Variants in KCNIP1 observed in about 807,000 individuals in gnomAD.
KCNIP1 encodes potassium voltage-gated channel interacting protein 1.
Under a neutral mutation model 33.0 loss-of-function variants are expected in KCNIP1, and 18 were observed. The observed-to-expected ratio is 0.55, with a 90% CI of 0.38 to 0.81. The LOEUF is 0.81. Among genes scored for constraint, KCNIP1 ranks in the 30% least tolerant of loss-of-function variants. The pLI, the probability that KCNIP1 is intolerant of heterozygous loss-of-function variation, is 0.00. For missense variants in KCNIP1, 238 were observed against 271.6 expected (o/e 0.88, Z 0.87); for synonymous variants, 93 against 98.3 (o/e 0.95, Z 0.32).
intron 1 of KCNIP1, among the ~76,000 whole-genome samples, chr5:170,649,181 G>A (rs144303699): frequency 8.0e-4 from 122 of 152,032 alleles, no homozygotes; most frequent in African/African-American, 2.8e-3. Flanking sequence ...ATTGTTGAAC[G>A]CATTTTTTAA....
chr5:170,721,432 C>T (rs570118595), intron 3 of KCNIP1, among the ~76,000 whole-genome samples: 5 of 152,248 alleles, frequency 3.3e-5, no homozygotes, highest in African/African-American at 1.2e-4. Context: ...GTGCTTGATG[C>T]CCACAGTCAC....
intron 1 of KCNIP1, among the ~76,000 whole-genome samples, chr5:170,621,808 C>T (rs1232789562): frequency 6.6e-6 from 1 of 152,216 alleles, no homozygotes; most frequent in Non-Finnish European, 1.5e-5. Flanking sequence ...TGCACCTGGC[C>T]TTATTCCCTT....
intron 1 of KCNIP1, among the ~76,000 whole-genome samples, chr5:170,480,921 A>G (rs1209202897): frequency 6.6e-6 from 1 of 152,218 alleles, no homozygotes. Flanking sequence ...AAGGATAGAG[A>G]AAAGTGCCTA....
At chr5:170,419,282 C>A (rs1404831111) in intron 1 of KCNIP1, among the ~76,000 whole-genome samples, 1 of 152,118 alleles carries the variant, frequency 6.6e-6, no homozygotes, top group Non-Finnish European at 1.5e-5. Flanking sequence ...TGGACCACAG[C>A]AGGACCCCGA....
At chr5:170,493,649 A>T (rs1757253330) in intron 1 of KCNIP1, among the ~76,000 whole-genome samples, 1 of 152,184 alleles carries the variant, frequency 6.6e-6, no homozygotes, top group Non-Finnish European at 1.5e-5. Flanking sequence ...ACTCCTCTGC[A>T]GTTGGTTAAG....
chr5:170,707,505 T>C (rs1271003239), intron 1 of KCNIP1, among the ~76,000 whole-genome samples: 1 of 152,258 alleles, frequency 6.6e-6, no homozygotes, highest in African/African-American at 2.4e-5. Flanking sequence ...AACAGAATTA[T>C]GACTTACGTC....
chr5:170,721,124 A>G (rs563414846), intron 3 of KCNIP1, among the ~76,000 whole-genome samples: 4 of 152,298 alleles, frequency 2.6e-5, no homozygotes, highest in Admixed American at 2.0e-4. Context: ...TCCTGACAAA[A>G]TGCAAATCCA....
chr5:170,717,998 C>T (rs1025633251), intron 1 of KCNIP1, among the ~76,000 whole-genome samples: 7 of 152,196 alleles, frequency 4.6e-5, no homozygotes, highest in African/African-American at 1.7e-4. Context: ...CGGACTTGGA[C>T]CTTGTGATCC....
At chr5:170,642,331 A>C (rs530109021) in intron 1 of KCNIP1, among the ~76,000 whole-genome samples, 99 of 152,252 alleles carry the variant, frequency 6.5e-4, no homozygotes, top group African/African-American at 2.4e-3. Flanking sequence ...AAGGCAAAGG[A>C]GAGGGAGTTG....
At chr5:170,441,529 G>C (rs1755989179) in intron 1 of KCNIP1, among the ~76,000 whole-genome samples, 1 of 152,092 alleles carries the variant, frequency 6.6e-6, no homozygotes, top group South Asian at 2.1e-4. Context: ...TTCTATCTCA[G>C]CCAGGGACTC....
At chr5:170,599,564 G>A (rs1758611190) in intron 1 of KCNIP1, among the ~76,000 whole-genome samples, 1 of 152,126 alleles carries the variant, frequency 6.6e-6, no homozygotes, top group Non-Finnish European at 1.5e-5. Context: ...GGAGCTCAGA[G>A]GTGCCCTCCC....
intron 1 of KCNIP1, among the ~76,000 whole-genome samples, chr5:170,472,589 TCCC>T (rs1293743279): frequency 3.3e-5 from 1 of 30,136 alleles, no homozygotes; most frequent in Admixed American, 2.8e-4. Context: ...CCTCCCACCC[TCCC>T]CCCCAAGTCC....
At chr5:170,660,130 AC>A (rs1271575589) in intron 1 of KCNIP1, among the ~76,000 whole-genome samples, 1 of 152,162 alleles carries the variant, frequency 6.6e-6, no homozygotes, top group Non-Finnish European at 1.5e-5. Flanking sequence ...GGAAACTAAG[AC>A]CCAGCTGCTT....
chr5:170,558,498 G>C (rs1205277741), intron 1 of KCNIP1, among the ~76,000 whole-genome samples: 1 of 152,230 alleles, frequency 6.6e-6, no homozygotes, highest in African/African-American at 2.4e-5. Context: ...CTCCCTTGTA[G>C]ATAAAGATCG....
chr5:170,589,265 C>T (rs1048758584), intron 1 of KCNIP1, among the ~76,000 whole-genome samples: 2 of 152,154 alleles, frequency 1.3e-5, no homozygotes, highest in Non-Finnish European at 2.9e-5. Flanking sequence ...TCCCAAAGTG[C>T]TGGGATTACA....
intron 1 of KCNIP1, among the ~76,000 whole-genome samples, chr5:170,428,902 C>A (rs1169466240): frequency 6.6e-6 from 1 of 152,038 alleles, no homozygotes; most frequent in Non-Finnish European, 1.5e-5. Flanking sequence ...AGAGGTCTGC[C>A]CTCTGCTTGT....
chr5:170,539,636 G>A (rs1298580878), intron 1 of KCNIP1, among the ~76,000 whole-genome samples: 4 of 152,078 alleles, frequency 2.6e-5, no homozygotes, highest in Non-Finnish European at 4.4e-5. Flanking sequence ...TCTTGTGAAC[G>A]TGCTGCTGGT....
At chr5:170,722,149 C>G (rs573039562) in intron 4 of KCNIP1, among the ~76,000 whole-genome samples, 15 of 152,322 alleles carry the variant, frequency 9.8e-5, no homozygotes, top group African/African-American at 3.6e-4. Flanking sequence ...CACACTGCTT[C>G]CCAGTGGCAG....
chr5:170,596,039 C>T (rs1333394213), intron 1 of KCNIP1, among the ~76,000 whole-genome samples: 2 of 152,158 alleles, frequency 1.3e-5, no homozygotes, highest in Non-Finnish European at 2.9e-5. Context: ...ACTCGAGGCT[C>T]CCTCTAAGAT....
Sources: allele counts gnomAD v4.1 joint callset (sites outside exome capture counted in the v4.1 genomes callset), GRCh38; gene constraint gnomAD v4.1.1; transcripts MANE v1.5; gene names NCBI Gene and HGNC (gene_info 2026-07-23, HGNC 2026-07-21).